AKT3: variants seen among roughly 807,000 people sequenced by gnomAD.
AKT3 encodes the protein RAC-gamma serine/threonine-protein kinase.
Under a neutral mutation model 65.3 loss-of-function variants are expected in AKT3, and 15 were observed. That is an observed-to-expected ratio of 0.23 (90% CI 0.15 to 0.35). The LOEUF (loss-of-function observed/expected upper bound fraction) is 0.35, where lower values mean the gene tolerates loss of function less well. Among genes scored for constraint, AKT3 ranks in the 10% least tolerant of loss-of-function variants. The pLI is 1.00. For missense variants in AKT3, 243 were observed against 576.5 expected, an observed-to-expected ratio of 0.42 and a Z score of 5.92; for synonymous variants, 206 against 183.8, an observed-to-expected ratio of 1.12 and a Z score of -0.98.
intron 6 of AKT3, among the ~76,000 whole-genome samples, chr1:243,629,950 C>T (rs532407947): frequency 6.6e-6 from 1 of 152,060 alleles, no homozygotes. Flanking sequence ...ATGACTATGG[C>T]ATATATTCCC....
At chr1:243,835,960 T>C (rs543835376) in intron 2 of AKT3, among the ~76,000 whole-genome samples, 2 of 152,060 alleles carry the variant, frequency 1.3e-5, no homozygotes, top group African/African-American at 4.8e-5. Context: ...ACTGAAAAGA[T>C]ACTAAATCCT....
chr1:243,635,905 A>G (rs185023635), intron 6 of AKT3, among the ~76,000 whole-genome samples: 1 of 152,160 alleles, frequency 6.6e-6, no homozygotes, highest in Admixed American at 6.5e-5. Flanking sequence ...AAATGAGCAT[A>G]TTTTCTTTCA....
chr1:243,799,842 T>C (rs1270491257), intron 2 of AKT3, among the ~76,000 whole-genome samples: 1 of 152,224 alleles, frequency 6.6e-6, no homozygotes, highest in Non-Finnish European at 1.5e-5. Context: ...TCTTTTACTA[T>C]ATTTCAAAGG....
chr1:243,704,783 T>C (rs767641489), intron 2 of AKT3, among the ~76,000 whole-genome samples: 5 of 152,130 alleles, frequency 3.3e-5, no homozygotes, highest in Admixed American at 6.5e-5. Flanking sequence ...TAACACATCT[T>C]TACGTTTCAG....
intron 12 of AKT3, among the ~76,000 whole-genome samples, chr1:243,534,591 C>T (rs1409006847): frequency 2.0e-5 from 3 of 152,274 alleles, no homozygotes; most frequent in African/African-American, 7.2e-5. Context: ...TCATGACAGA[C>T]CATGTTCTGG....
intron 2 of AKT3, among the ~76,000 whole-genome samples, chr1:243,768,743 G>A (rs925804829): frequency 7.3e-5 from 11 of 150,980 alleles, no homozygotes; most frequent in African/African-American, 2.4e-4. Flanking sequence ...GCTGAGGCAG[G>A]AGAATCACTT....
At chr1:243,757,133 A>C (rs1363714381) in intron 2 of AKT3, among the ~76,000 whole-genome samples, 1 of 152,262 alleles carries the variant, frequency 6.6e-6, no homozygotes, top group East Asian at 1.9e-4. Flanking sequence ...TTTTGCAATG[A>C]AAGACATTAT....
chr1:243,785,405 T>C (rs1171693592), intron 2 of AKT3, among the ~76,000 whole-genome samples: 1 of 152,092 alleles, frequency 6.6e-6, no homozygotes, highest in African/African-American at 2.4e-5. Flanking sequence ...TATAATTTTC[T>C]ACACAGAGAA....
rs747780262 is a variant in AKT3, at chr1:243,693,242, T to TTATATATATATATATATATATA, written c.172+2348_172+2349insTATATATATATATATATATATA. 5.0e-5 allele frequency among the ~76,000 whole-genome samples: 3 copies of TTATATATATATATATATATATA among 59,986 alleles called. 1 individual carries two copies. Among genetic ancestry groups the TTATATATATATATATATATATA allele is most frequent in the Non-Finnish European group, 9.8e-5 (3 of 30,528 alleles). 39.4% of individuals were successfully genotyped at this position (59,986 alleles called of 152,430 possible). On this transcript the variant is annotated intron_variant, in intron 3 of 13. Coordinates refer to ENST00000673466, the MANE Select transcript of AKT3 (RefSeq NM_005465.7). The stretch of plus-strand genomic sequence containing the variant: ...ATATATCCCTTTGGTAGCTACAATT[T>TTATATATATATATATATATATA]GATATATATATATATATATATATAT...
intron 2 of AKT3, among the ~76,000 whole-genome samples, chr1:243,711,355 T>C (rs1016834826): frequency 6.6e-6 from 1 of 151,894 alleles, no homozygotes; most frequent in Non-Finnish European, 1.5e-5. Flanking sequence ...AGAACAAAAT[T>C]TGAAATCATC....
chr1:243,596,861 T>C (rs886567362), intron 8 of AKT3, among the ~76,000 whole-genome samples: 32 of 152,038 alleles, frequency 2.1e-4, no homozygotes, highest in African/African-American at 7.0e-4. Context: ...GACTTCACAA[T>C]AAAAGAAATA....
At chr1:243,570,901 C>A (rs1030052639) in intron 9 of AKT3, among the ~76,000 whole-genome samples, 10 of 152,120 alleles carry the variant, frequency 6.6e-5, no homozygotes, top group Non-Finnish European at 1.0e-4. Flanking sequence ...GAACTGTGCA[C>A]GTGGTAACTA....
At chr1:243,700,617 C>G (rs1685387865) in intron 2 of AKT3, among the ~76,000 whole-genome samples, 1 of 151,604 alleles carries the variant, frequency 6.6e-6, no homozygotes, top group Admixed American at 6.6e-5. Flanking sequence ...GATTCTCCTG[C>G]CTCAGCCTCC....
chr1:243,637,625 C>T lies in AKT3; in HGVS notation c.547G>A (p.Val183Ile), dbSNP rs1243709826. The T allele has an allele frequency of 2.5e-6, 4 of 1,592,140 alleles. No homozygotes were observed. In the East Asian group the frequency reaches 9.0e-5, roughly 36 times the overall value. Reference protein sequence around the residue: ...YYAMKILKKEVIIAKDEVAHT... With the variant: ...YYAMKILKKEIIIAKDEVAHT... ...AAATCAGTTACCTTTGCAATAATGA[C>T]TTCTTTCTTCAGAATCTTCATAGCA... The change falls in exon 6 of 14, where the codon GTC becomes ATC. Residue 183 changes from valine (V) to isoleucine (I), a missense_variant. By Grantham distance (29) the Val-to-Ile change is conservative (BLOSUM62 3). Coordinates refer to ENST00000673466, the MANE Select transcript of AKT3 (RefSeq NM_005465.7).
chr1:243,706,522 CA>C (rs1685807778), intron 2 of AKT3, among the ~76,000 whole-genome samples: 1 of 152,134 alleles, frequency 6.6e-6, no homozygotes, highest in African/African-American at 2.4e-5. Flanking sequence ...AGACTCTTAC[CA>C]AGGAGTTTTT....
intron 13 of AKT3, among the ~76,000 whole-genome samples, chr1:243,490,376 G>A (rs1666103840): frequency 6.6e-6 from 1 of 152,218 alleles, no homozygotes; most frequent in Non-Finnish European, 1.5e-5. Flanking sequence ...AGCTAATCTA[G>A]GAGGCGAGGC....
intron 12 of AKT3, among the ~76,000 whole-genome samples, chr1:243,528,660 T>C (rs1003002244): frequency 1.3e-5 from 2 of 152,260 alleles, no homozygotes; most frequent in African/African-American, 4.8e-5. Context: ...GATCTTGTTC[T>C]TTTTGATGAC....
intron 4 of AKT3, among the ~76,000 whole-genome samples, chr1:243,657,868 G>T (rs531341509): frequency 2.7e-4 from 41 of 152,200 alleles, no homozygotes; most frequent in Non-Finnish European, 5.1e-4. Flanking sequence ...TTTGACAAGG[G>T]CGTCACAACT....
chr1:243,625,082 C>G lies in AKT3; in HGVS notation c.562-9921G>C, dbSNP rs543444738. On this transcript the variant is annotated intron_variant, in intron 6 of 13. Coordinates refer to ENST00000673466, the MANE Select transcript of AKT3 (RefSeq NM_005465.7). ...CCTTGCCCTTTCCCCACTTTAGAGA[C>G]AGAAGTGAGGAGCTGCTGGTCTTAT... 1.5e-5 allele frequency: 4 copies of G among 258,940 alleles called. No homozygotes were observed. The South Asian group carries it at 2.2e-4, about 14-fold the overall frequency. The allele number at this position is 258,940 out of a possible 1,614,324, so 16.0% of individuals were successfully genotyped here. A position where few individuals can be genotyped will look rare whatever the true frequency, so the allele number is the denominator to read the frequency against.
Sources: gnomAD v4.1 joint callset for allele counts (sites outside exome capture counted in the v4.1 genomes callset) on GRCh38, gnomAD v4.1.1 for gene constraint, MANE v1.5 for transcripts, NCBI Gene and HGNC (gene_info 2026-07-23, HGNC 2026-07-21) for gene names.